PTS: variants seen among roughly 807,000 people sequenced by gnomAD.
PTS encodes the protein 6-pyruvoyl tetrahydrobiopterin synthase.
In PTS, 23 loss-of-function variants were observed where a neutral mutation model predicts 20.6. That is an observed-to-expected ratio of 1.12 (90% CI 0.80 to 1.58). The LOEUF is 1.58. PTS is among the 40% of genes most tolerant of loss of function. The pLI, the probability that PTS is intolerant of heterozygous loss-of-function variation, is 0.00. For synonymous variants in PTS, 65 were observed against 62.5 expected (o/e 1.04, Z -0.19); for missense variants, 186 against 182.4 (o/e 1.02, Z -0.11).
intron 4 of PTS, among the ~76,000 whole-genome samples, chr11:112,231,170 C>T (rs1390560519): frequency 6.6e-6 from 1 of 152,110 alleles, no homozygotes; most frequent in East Asian, 1.9e-4. Flanking sequence ...GCTACTGCTC[C>T]TGGCCTTCTC....
chr11:112,230,569 C>T, intron 3 of PTS, 57 bp from the exon 4 acceptor site: 6 of 1,450,780 alleles, frequency 4.1e-6, no homozygotes, highest in Non-Finnish European at 5.8e-6. Flanking sequence ...AATAATTTGC[C>T]AGCCGTTTAA....
rs189365250 is a variant in PTS, at chr11:112,233,429, T to C, written c.315-3T>C. 4.5e-3 allele frequency: 7,218 copies of C among 1,609,882 alleles called. 24 individuals are homozygous for C. The highest frequency in any genetic ancestry group is 4.9e-3 in the Non-Finnish European group (5,809 of 1,178,588). On this transcript the variant is annotated splice_region_variant and splice_polypyrimidine_tract_variant and intron_variant, in intron 5 of 5. Coordinates refer to ENST00000280362, the MANE Select transcript of PTS (RefSeq NM_000317.3). ...TTTTTGTTTTTGTTTTTTTTTCTTA[T>C]AGCACGACTGAAAATGTAGCTGTTT...
At chr11:112,228,932 CACA>C (rs1859898615) in intron 2 of PTS, 1 of 483,350 alleles carries the variant, frequency 2.1e-6, no homozygotes, top group Non-Finnish European at 3.7e-6. Flanking sequence ...TCCTAGAGTA[CACA>C]ACAAGTTTCT....
chr11:112,233,322 A>G (rs1859967956), intron 5 of PTS, 89 bp downstream of exon 5: 1 of 1,544,402 alleles, frequency 6.5e-7, no homozygotes, highest in South Asian at 1.1e-5. Context: ...TGAAGTTTTA[A>G]TTTAATGAAA....
rs368800549 is a variant in PTS at position 112,228,571 on chromosome 11, C to CTT, written c.84-8_84-7dup. ...GAATGTGATACTTGTGTCATGCTGA[C>CTT]TTTTTTTTTTTTTTTTGGTCAGTAA... is the stretch of plus-strand genomic sequence containing the variant. On this transcript the variant is annotated intron_variant, in intron 1 of 5. Coordinates refer to ENST00000280362, the MANE Select transcript of PTS (RefSeq NM_000317.3). The CTT allele has an allele frequency of 1.4e-3, 1,868 of 1,366,878 alleles. 4 individuals carry two copies. The highest frequency in any genetic ancestry group is 2.1e-3 in the South Asian group (169 of 79,018). The allele number at this position is 1,366,878 out of a possible 1,614,324, so 84.7% of individuals were successfully genotyped here.
intron 4 of PTS, among the ~76,000 whole-genome samples, chr11:112,232,869 A>G (rs140521125): frequency 5.4e-4 from 83 of 152,354 alleles, no homozygotes; most frequent in African/African-American, 1.9e-3. Flanking sequence ...GTTAAACTGA[A>G]TTCTGAATTA....
intron 2 of PTS, 113 bp downstream of exon 2, chr11:112,228,786 C>A: frequency 3.1e-6 from 3 of 954,006 alleles, no homozygotes; most frequent in African/African-American, 1.6e-5. Flanking sequence ...TGCTTTGAGC[C>A]TTGAATGAGA....
In PTS at chr11:112,230,657, T is replaced by G; in HGVS notation, c.218T>G (p.Leu73Arg). 1 of 1,611,340 alleles carries G rather than the reference T, an allele frequency of 6.2e-7. No individual in the cohort carries two copies. Residue 73 changes from leucine (L) to arginine (R), a missense_variant, in exon 4 of 6, where the codon CTG (leucine) becomes CGG (arginine). Physicochemically the swap from Leu to Arg is moderately radical, Grantham distance 102. Coordinates refer to ENST00000280362, the MANE Select transcript of PTS (RefSeq NM_000317.3). Reference sequence around the variant, plus strand: ...CCTGCTACGGGAATGGTTATGAATCTGGCTGATCTCAAAAAATATATGGAG... The same window carrying G: ...CCTGCTACGGGAATGGTTATGAATCGGGCTGATCTCAAAAAATATATGGAG... ...IDPATGMVMN[L>R]ADLKKYMEEA...
intron 3 of PTS, 24 bp downstream of exon 3, chr11:112,230,254 G>A: frequency 6.2e-7 from 1 of 1,610,528 alleles, no homozygotes; most frequent in African/African-American, 1.3e-5. Flanking sequence ...ATATTTGTGT[G>A]GTTTTTGCAG....
rs1230475601 is a variant in PTS, at chr11:112,233,790, AAT to A, written c.*236_*237del. 1.7e-5 allele frequency: 7 copies of A among 404,828 alleles called. No homozygotes were observed. The highest frequency in any genetic ancestry group is 1.0e-4 in the African/African-American group (5 of 48,154). 25.1% of individuals were successfully genotyped at this position (404,828 alleles called of 1,614,324 possible). The stretch of plus-strand genomic sequence containing the variant: ...GAGAGTCTTTTATTTATAAATTAAA[AAT>A]CACTTCATTTTCACAAAATGTTTTG... On this transcript the variant is annotated 3_prime_UTR_variant, in exon 6 of 6. Transcript: ENST00000280362.
At chr11:112,228,267 T>C in intron 1 of PTS, 1 of 335,774 alleles carries the variant, frequency 3.0e-6, no homozygotes, top group Non-Finnish European at 5.5e-6. Context: ...AGCACTTGCC[T>C]GTTACATTGT....
rs1184829488 is a variant in PTS, at chr11:112,233,418, T to G, written c.315-14T>G. 6.3e-7 allele frequency: 1 copy of G among 1,596,932 alleles called. No homozygotes were observed. Among genetic ancestry groups the G allele is most frequent in the East Asian group, 2.2e-5 (1 of 44,762 alleles). ...ATTTTGAATTTTTTTTGTTTTTGTT[T>G]TTTTTTCTTATAGCACGACTGAAAA... On this transcript the variant is annotated splice_polypyrimidine_tract_variant and intron_variant, in intron 5 of 5. Transcript: ENST00000280362.
At chr11:112,232,441 A>G (rs1019222004) in intron 4 of PTS, among the ~76,000 whole-genome samples, 1 of 152,176 alleles carries the variant, frequency 6.6e-6, no homozygotes, top group Admixed American at 6.5e-5. Context: ...TTCTCAAGAA[A>G]TGATTGCTGT....
chr11:112,227,230 G>A (rs1859876653), intron 1 of PTS, among the ~76,000 whole-genome samples: 3 of 152,004 alleles, frequency 2.0e-5, no homozygotes, highest in Admixed American at 1.3e-4. Context: ...TCTGTGAAAT[G>A]AGGATGACCA....
chr11:112,230,770 C>T (rs1225230107), intron 4 of PTS, 88 bp downstream of exon 4: 1 of 1,162,920 alleles, frequency 8.6e-7, no homozygotes, highest in Non-Finnish European at 1.3e-6. Flanking sequence ...CAGTTATCTC[C>T]TAAGGTTCCA....
intron 2 of PTS, chr11:112,228,987 T>G (rs1859899091): frequency 6.7e-6 from 2 of 299,878 alleles, no homozygotes; most frequent in South Asian, 9.8e-5. Context: ...AAATTAGATT[T>G]TATTCTTTGA....
At chr11:112,227,928 G>A (rs1303237158) in intron 1 of PTS, among the ~76,000 whole-genome samples, 2 of 152,182 alleles carry the variant, frequency 1.3e-5, no homozygotes, top group Non-Finnish European at 1.5e-5. Flanking sequence ...CCTGAGGGTG[G>A]TAAGGTCTCA....
chr11:112,233,273 C>G (rs781508534), intron 5 of PTS, 40 bp downstream of exon 5: 2 of 1,587,800 alleles, frequency 1.3e-6, no homozygotes. Context: ...GATTGTAAAA[C>G]AAGAATTGAT....
chr11:112,233,161 A>T lies in PTS; in HGVS notation c.244-2A>T. 1 of 1,613,424 alleles carries T rather than the reference A, an allele frequency of 6.2e-7. No individual in the cohort carries two copies. The highest frequency in any genetic ancestry group is 8.5e-7 in the Non-Finnish European group (1 of 1,179,340). ...GATATTTTCCCTTGGTTTTGTCTCTAGGAGGCGATTATGCAGCCCCTTGAT... is the reference window on the plus strand; with the variant it reads ...GATATTTTCCCTTGGTTTTGTCTCTTGGAGGCGATTATGCAGCCCCTTGAT... On this transcript the variant is annotated splice_acceptor_variant, in intron 4 of 5. Transcript: ENST00000280362. LOFTEE classifies it high-confidence loss of function.
Sources: allele counts gnomAD v4.1 joint callset (sites outside exome capture counted in the v4.1 genomes callset), GRCh38; gene constraint gnomAD v4.1.1; transcripts MANE v1.5; gene names NCBI Gene and HGNC (gene_info 2026-07-23, HGNC 2026-07-21).